Variants in DYM observed in about 807,000 individuals in gnomAD.
DYM encodes the protein dyggve-Melchior-Clausen syndrome protein.
Under a neutral mutation model 93.1 loss-of-function variants are expected in DYM, and 78 were observed. That is an observed-to-expected ratio of 0.84 (90% CI 0.70 to 1.01). DYM has a LOEUF of 1.01. DYM is among the 50% of genes least tolerant of loss of function. The pLI is 0.00. For missense variants in DYM, 789 were observed against 845.0 expected (o/e 0.93, Z 0.82); for synonymous variants, 321 against 319.7 (o/e 1.00, Z -0.04).
Position 49,065,064 on chromosome 18 carries a change from T to C in DYM, c.2026-20860A>G, listed in dbSNP as rs191726426. ...GAACTGTTTAAGTTATGCTTAAAAG[T>C]TACTTGTTTAGCCACTTCATTAGTA... On this transcript the variant is annotated intron_variant, in intron 17 of 17. Coordinates refer to ENST00000675505, the MANE Select transcript of DYM (RefSeq NM_001353214.3). Among the ~76,000 whole-genome samples the C allele has an allele frequency of 4.3e-4, 66 of 152,212 alleles. 1 individual carries two copies. The highest frequency in any genetic ancestry group is 1.5e-3 in the African/African-American group (61 of 41,528).
At chr18:49,123,741 T>C (rs1461094884) in intron 15 of DYM, among the ~76,000 whole-genome samples, 1 of 152,232 alleles carries the variant, frequency 6.6e-6, no homozygotes, top group Non-Finnish European at 1.5e-5. Flanking sequence ...GGGGAGGAGA[T>C]GAGACTTCAA....
At chr18:49,306,947 G>A (rs2061311312) in intron 8 of DYM, among the ~76,000 whole-genome samples, 1 of 152,106 alleles carries the variant, frequency 6.6e-6, no homozygotes, top group South Asian at 2.1e-4. Context: ...CCCAGAAAGG[G>A]AGAAGTATAA....
At chr18:49,439,731 C>A (rs368725900) in intron 1 of DYM, among the ~76,000 whole-genome samples, 14 of 152,242 alleles carry the variant, frequency 9.2e-5, no homozygotes, top group African/African-American at 3.1e-4. Context: ...AGGCCAGGAA[C>A]TGTGGCTCAT....
At chr18:49,262,290 G>A (rs2094502038) in intron 11 of DYM, among the ~76,000 whole-genome samples, 1 of 152,112 alleles carries the variant, frequency 6.6e-6, no homozygotes, top group Non-Finnish European at 1.5e-5. Context: ...ACACAAGAAA[G>A]GGTCTTCCCC....
intron 2 of DYM, among the ~76,000 whole-genome samples, chr18:49,394,543 A>AT (rs1218120490): frequency 1.3e-5 from 2 of 151,754 alleles, no homozygotes; most frequent in African/African-American, 4.8e-5. Context: ...AAATTTTAGA[A>AT]TTTTTTTTCT....
intron 15 of DYM, among the ~76,000 whole-genome samples, chr18:49,140,517 T>C (rs1403911112): frequency 6.6e-6 from 1 of 152,240 alleles, no homozygotes; most frequent in African/African-American, 2.4e-5. Flanking sequence ...TTTAGTATTT[T>C]TCACTTGGTT....
intron 15 of DYM, among the ~76,000 whole-genome samples, chr18:49,154,159 T>C (rs1278364224): frequency 6.6e-6 from 1 of 152,108 alleles, no homozygotes; most frequent in Non-Finnish European, 1.5e-5. Flanking sequence ...TTTAGAAGTG[T>C]TGAGGTCATG....
intron 17 of DYM, among the ~76,000 whole-genome samples, chr18:49,048,941 C>T (rs537918903): frequency 1.9e-4 from 29 of 152,290 alleles, no homozygotes; most frequent in African/African-American, 5.8e-4. Context: ...TTCCTCTAAT[C>T]GGAAAGTACA....
chr18:49,068,484 C>A (rs1166957425), intron 17 of DYM, among the ~76,000 whole-genome samples: 1 of 152,094 alleles, frequency 6.6e-6, no homozygotes, highest in Non-Finnish European at 1.5e-5. Flanking sequence ...GGAGAAGGGG[C>A]ACAGTTTGAT....
At chr18:49,242,990 G>A (rs953045473) in intron 13 of DYM, among the ~76,000 whole-genome samples, 4 of 152,066 alleles carry the variant, frequency 2.6e-5, no homozygotes, top group East Asian at 1.9e-4. Flanking sequence ...GTGAGCCACC[G>A]CACCCGGCCT....
At chr18:49,428,143 T>C (rs2074465118) in intron 2 of DYM, among the ~76,000 whole-genome samples, 1 of 152,010 alleles carries the variant, frequency 6.6e-6, no homozygotes, top group Non-Finnish European at 1.5e-5. Flanking sequence ...ACAACATGTA[T>C]GAATATTACA....
intron 13 of DYM, among the ~76,000 whole-genome samples, chr18:49,247,127 G>A (rs1043906913): frequency 6.6e-6 from 1 of 152,152 alleles, no homozygotes; most frequent in Non-Finnish European, 1.5e-5. Context: ...TCAAAGCAAA[G>A]GTTGGGCAGG....
At chr18:49,305,408 CTATT>C (rs1225042510) in intron 8 of DYM, among the ~76,000 whole-genome samples, 2 of 152,190 alleles carry the variant, frequency 1.3e-5, no homozygotes, top group East Asian at 3.8e-4. Context: ...CTGGGGAAAC[CTATT>C]GTTCTCTTTA....
chr18:49,358,437 T>A (rs1384181570), intron 6 of DYM, among the ~76,000 whole-genome samples: 1 of 152,046 alleles, frequency 6.6e-6, no homozygotes, highest in Non-Finnish European at 1.5e-5. Flanking sequence ...GCAGATGACA[T>A]CAGATATCCC....
intron 17 of DYM, among the ~76,000 whole-genome samples, chr18:49,084,635 C>T (rs1353503013): frequency 6.6e-6 from 1 of 151,940 alleles, no homozygotes; most frequent in African/African-American, 2.4e-5. Context: ...TTTAGTAGCT[C>T]AAAATTTGAA....
In DYM at chr18:49,115,308, A is replaced by AG. The variant is rs1273832022; in HGVS notation, c.1911+3435dup. On this transcript the variant is annotated intron_variant, in intron 16 of 17. Transcript: ENST00000675505. ...TTGCAGCTACTGCAGCTATGACCACAGGGAAAAAAAAAAATCTCTGGTTTA... is the reference window on the plus strand; with the variant it reads ...TTGCAGCTACTGCAGCTATGACCACAGGGGAAAAAAAAAAATCTCTGGTTTA... Among the ~76,000 whole-genome samples the AG allele has an allele frequency of 1.3e-3, 197 of 151,778 alleles. 1 individual carries two copies. The highest frequency in any genetic ancestry group is 4.4e-3 in the African/African-American group (182 of 41,500).
intron 8 of DYM, among the ~76,000 whole-genome samples, chr18:49,294,966 T>A (rs2060428686): frequency 6.6e-6 from 1 of 152,156 alleles, no homozygotes; most frequent in African/African-American, 2.4e-5. Flanking sequence ...TCAGTCAACA[T>A]CTATAAAAGG....
chr18:49,081,589 T>A (rs940926824), intron 17 of DYM, among the ~76,000 whole-genome samples: 18 of 151,522 alleles, frequency 1.2e-4, no homozygotes, highest in African/African-American at 4.1e-4. Flanking sequence ...GAGATTCTTG[T>A]CTGGGCTAGA....
rs371313569 is a variant in DYM at position 49,081,268 on chromosome 18, G to A, written c.2025+16134C>T. Among the ~76,000 whole-genome samples the A allele has an allele frequency of 1.3e-3, 197 of 151,064 alleles. 1 individual carries two copies. The East Asian group carries it at 0.03, about 23-fold the overall frequency. ...TGCAATCCCGGCACCTCGGGAGGCC[G>A]AGGCTGGCGGATCACTCATGGTTAG... On this transcript the variant is annotated intron_variant, in intron 17 of 17. Transcript: ENST00000675505.
Sources: gnomAD v4.1 joint callset for allele counts (sites outside exome capture counted in the v4.1 genomes callset) on GRCh38, gnomAD v4.1.1 for gene constraint, MANE v1.5 for transcripts, NCBI Gene and HGNC (gene_info 2026-07-23, HGNC 2026-07-21) for gene names.